AKT3: variants seen among roughly 807,000 people sequenced by gnomAD.
AKT3 encodes the protein AKT serine/threonine kinase 3.
In AKT3, 15 loss-of-function variants were observed where a neutral mutation model predicts 65.3. The observed-to-expected ratio is 0.23, with a 90% CI of 0.15 to 0.35. AKT3 has a LOEUF of 0.35. Ranked by LOEUF, AKT3 falls within the 10% of genes least tolerant of loss-of-function variation. AKT3 has a pLI of 1.00. For synonymous variants in AKT3, 206 were observed against 183.8 expected, an observed-to-expected ratio of 1.12 and a Z score of -0.98; for missense variants, 243 against 576.5, an observed-to-expected ratio of 0.42 and a Z score of 5.92.
chr1:243,525,271 A>T (rs1036385058), intron 12 of AKT3, among the ~76,000 whole-genome samples: 2 of 152,190 alleles, frequency 1.3e-5, no homozygotes, highest in Non-Finnish European at 2.9e-5. Context: ...CTAAGAAAAT[A>T]AAAAATTCAG....
At chr1:243,701,548 C>T (rs1685461437) in intron 2 of AKT3, among the ~76,000 whole-genome samples, 1 of 151,222 alleles carries the variant, frequency 6.6e-6, no homozygotes, top group African/African-American at 2.4e-5. Flanking sequence ...AAAACCATAG[C>T]ACTATTTTTC....
At chr1:243,751,423 T>C (rs557731642) in intron 2 of AKT3, among the ~76,000 whole-genome samples, 9 of 152,390 alleles carry the variant, frequency 5.9e-5, no homozygotes, top group African/African-American at 1.2e-4. Flanking sequence ...AGGAATACAG[T>C]TGTATCTACA....
At chr1:243,848,601 C>G (rs1348156229) in intron 1 of AKT3, among the ~76,000 whole-genome samples, 1 of 152,172 alleles carries the variant, frequency 6.6e-6, no homozygotes, top group African/African-American at 2.4e-5. Context: ...ACTGACAAAA[C>G]CCAGTGGTTG....
intron 2 of AKT3, among the ~76,000 whole-genome samples, chr1:243,726,979 G>A (rs1336483231): frequency 6.6e-6 from 1 of 152,218 alleles, no homozygotes; most frequent in Non-Finnish European, 1.5e-5. Context: ...CTCCCTGCCT[G>A]AGCTGAGAAG....
chr1:243,554,508 AT>A (rs1006591541), intron 10 of AKT3, among the ~76,000 whole-genome samples: 2 of 152,222 alleles, frequency 1.3e-5, no homozygotes, highest in African/African-American at 4.8e-5. Context: ...AAAACAAAAA[AT>A]AACCTAAAAA....
chr1:243,666,007 T>C (rs1682743062), intron 3 of AKT3, among the ~76,000 whole-genome samples: 1 of 151,224 alleles, frequency 6.6e-6, no homozygotes, highest in Non-Finnish European at 1.5e-5. Context: ...GCTGTGTTTT[T>C]GTTTGTTTGT....
chr1:243,630,122 G>A (rs761251434), intron 6 of AKT3, among the ~76,000 whole-genome samples: 4 of 152,160 alleles, frequency 2.6e-5, no homozygotes, highest in Non-Finnish European at 5.9e-5. Flanking sequence ...TCAAAATACC[G>A]TAAGATGACT....
intron 6 of AKT3, among the ~76,000 whole-genome samples, chr1:243,636,775 G>C (rs2147809037): frequency 6.6e-6 from 1 of 152,208 alleles, no homozygotes; most frequent in Middle Eastern, 3.4e-3. Context: ...TATTAGGTGA[G>C]TAGTGAACCT....
intron 5 of AKT3, among the ~76,000 whole-genome samples, chr1:243,639,599 T>C (rs1680223371): frequency 6.6e-6 from 1 of 152,298 alleles, no homozygotes; most frequent in Admixed American, 6.5e-5. Context: ...ATCAGTGCCA[T>C]GACAGTTTAC....
intron 2 of AKT3, among the ~76,000 whole-genome samples, chr1:243,818,474 G>A (rs957849822): frequency 6.6e-6 from 1 of 152,012 alleles, no homozygotes; most frequent in African/African-American, 2.4e-5. Flanking sequence ...CCAAAAACTA[G>A]ATACAAACAT....
chr1:243,493,853 A>C (rs1667175440), intron 13 of AKT3, among the ~76,000 whole-genome samples: 1 of 151,800 alleles, frequency 6.6e-6, no homozygotes, highest in Non-Finnish European at 1.5e-5. Context: ...AAGATGATGA[A>C]GGGAGGAAAG....
chr1:243,719,735 G>T (rs1686755888), intron 2 of AKT3, among the ~76,000 whole-genome samples: 1 of 152,156 alleles, frequency 6.6e-6, no homozygotes, highest in African/African-American at 2.4e-5. Context: ...CAGAAGGGAA[G>T]AGAGAAAGAA....
intron 8 of AKT3, among the ~76,000 whole-genome samples, chr1:243,598,648 A>G (rs1676799784): frequency 6.6e-6 from 1 of 152,182 alleles, no homozygotes; most frequent in Admixed American, 6.5e-5. Flanking sequence ...CTAAAGTCTC[A>G]TGCTCAACAG....
intron 13 of AKT3, among the ~76,000 whole-genome samples, chr1:243,509,342 A>G (rs1669875547): frequency 6.6e-6 from 1 of 152,168 alleles, no homozygotes; most frequent in Admixed American, 6.5e-5. Flanking sequence ...GAGATTGAGC[A>G]ATAAAATGCA....
At chr1:243,781,029 T>C (rs952693114) in intron 2 of AKT3, among the ~76,000 whole-genome samples, 11 of 152,128 alleles carry the variant, frequency 7.2e-5, no homozygotes. Context: ...AAAATCCAAA[T>C]AATACAGTTA....
chr1:243,843,631 T>C (rs1211866071), intron 1 of AKT3: 2 of 940,836 alleles, frequency 2.1e-6, no homozygotes, highest in Admixed American at 1.2e-4. Context: ...ATCCCTGTAA[T>C]TTCAGAAGCA....
At chr1:243,649,116 T>C (rs1008185849) in intron 4 of AKT3, among the ~76,000 whole-genome samples, 27 of 152,140 alleles carry the variant, frequency 1.8e-4, no homozygotes, top group African/African-American at 6.3e-4. Context: ...CATTTAAAAT[T>C]ATTTTCTAAT....
intron 13 of AKT3, among the ~76,000 whole-genome samples, chr1:243,511,628 CTTAAG>C (rs1179024945): frequency 6.6e-6 from 1 of 152,218 alleles, no homozygotes; most frequent in South Asian, 2.1e-4. Context: ...TATCCACATT[CTTAAG>C]TTAATGATGA....
intron 6 of AKT3, among the ~76,000 whole-genome samples, chr1:243,626,215 G>C (rs1405814032): frequency 6.6e-6 from 1 of 152,148 alleles, no homozygotes; most frequent in Admixed American, 6.5e-5. Flanking sequence ...GGGTCTTACA[G>C]ATGCTAAGAA....
Sources: gnomAD v4.1 joint callset for allele counts (sites outside exome capture counted in the v4.1 genomes callset) on GRCh38, gnomAD v4.1.1 for gene constraint, MANE v1.5 for transcripts, NCBI Gene and HGNC (gene_info 2026-07-23, HGNC 2026-07-21) for gene names.